SLC23A2: variants seen among roughly 807,000 people sequenced by gnomAD.
SLC23A2 encodes the protein solute carrier family 23 member 2, also known as Na(+)/L-ascorbic acid transporter 2.
SLC23A2 carries 36 observed loss-of-function variants against 73.3 expected under a neutral mutation model. That is an observed-to-expected ratio of 0.49 (90% CI 0.38 to 0.65). The LOEUF is 0.65. Ranked by LOEUF, SLC23A2 falls within the 30% of genes least tolerant of loss-of-function variation. SLC23A2 has a pLI of 0.00. For synonymous variants in SLC23A2, 343 were observed against 327.3 expected (o/e 1.05, Z -0.52); for missense variants, 507 against 841.6 (o/e 0.60, Z 4.92).
chr20:4,992,752 T>C (rs1177596106), intron 1 of SLC23A2, among the ~76,000 whole-genome samples: 1 of 151,720 alleles, frequency 6.6e-6, no homozygotes, highest in Non-Finnish European at 1.5e-5. Flanking sequence ...TCAGGTGATC[T>C]GCCCACCTCG....
intron 2 of SLC23A2, 79 bp from the exon 3 acceptor site, chr20:4,932,795 A>G (rs1243941651): frequency 1.1e-5 from 5 of 455,622 alleles, no homozygotes; most frequent in East Asian, 3.7e-5. Flanking sequence ...TTTCTTGCAC[A>G]GTAAAAAAGT....
rs1931857041 is a variant in SLC23A2, at chr20:4,904,249, C to T, written c.208-1691G>A. On this transcript the variant is annotated intron_variant, in intron 4 of 16. Transcript: ENST00000338244. ...GTCAGCCATACCTATACGACAGATCCCCAATTAAAAACCCTGGACACCAAG... is the reference window on the plus strand; with the variant it reads ...GTCAGCCATACCTATACGACAGATCTCCAATTAAAAACCCTGGACACCAAG... Among the ~76,000 whole-genome samples the T allele has an allele frequency of 3.9e-5, 6 of 152,254 alleles. 1 individual carries two copies. The South Asian group carries it at 1.2e-3, about 32-fold the overall frequency.
At chr20:4,934,804 A>C (rs1160428162) in intron 2 of SLC23A2, among the ~76,000 whole-genome samples, 1 of 151,906 alleles carries the variant, frequency 6.6e-6, no homozygotes, top group East Asian at 1.9e-4. Flanking sequence ...CGGACGTTGC[A>C]GTGAGCCAAG....
chr20:4,973,369 GA>G (rs2087594504), intron 1 of SLC23A2, among the ~76,000 whole-genome samples: 1 of 152,188 alleles, frequency 6.6e-6, no homozygotes, highest in Admixed American at 6.5e-5. Context: ...CAAATCATTG[GA>G]AAATTCTGAA....
At chr20:4,999,326 C>T (rs555481250) in intron 1 of SLC23A2, among the ~76,000 whole-genome samples, 11 of 152,052 alleles carry the variant, frequency 7.2e-5, no homozygotes, top group Non-Finnish European at 1.5e-4. Flanking sequence ...TTCAACAGAA[C>T]CTGGTCACCA....
intron 1 of SLC23A2, among the ~76,000 whole-genome samples, chr20:4,993,877 C>A (rs2087972526): frequency 6.6e-6 from 1 of 152,012 alleles, no homozygotes; most frequent in Non-Finnish European, 1.5e-5. Context: ...CCATCCTGAC[C>A]AACACAGGAG....
intron 2 of SLC23A2, among the ~76,000 whole-genome samples, chr20:4,949,782 T>C (rs546660850): frequency 1.3e-5 from 2 of 152,006 alleles, no homozygotes; most frequent in South Asian, 2.1e-4. Context: ...CACAAACAGA[T>C]AGTAATCAAT....
intron 6 of SLC23A2, among the ~76,000 whole-genome samples, chr20:4,886,740 T>A (rs996491399): frequency 6.6e-6 from 1 of 152,230 alleles, no homozygotes. Flanking sequence ...ACTTAATCAC[T>A]ATTTTTAATA....
chr20:4,897,452 A>G (rs1931580494), intron 6 of SLC23A2, among the ~76,000 whole-genome samples: 3 of 152,292 alleles, frequency 2.0e-5, no homozygotes, highest in Admixed American at 6.5e-5. Flanking sequence ...ACACAGCAAG[A>G]AAGGCTGCTT....
intron 1 of SLC23A2, among the ~76,000 whole-genome samples, chr20:4,979,968 T>C (rs2087701120): frequency 6.8e-6 from 1 of 147,750 alleles, no homozygotes; most frequent in Admixed American, 7.0e-5. Flanking sequence ...GATACAAGAC[T>C]GGAAAAACTG....
At chr20:4,959,567 G>A (rs750667379) in intron 2 of SLC23A2, among the ~76,000 whole-genome samples, 36 of 151,948 alleles carry the variant, frequency 2.4e-4, no homozygotes, top group South Asian at 1.7e-3. Context: ...GTACAATCAC[G>A]GCTCACTGCA....
intron 16 of SLC23A2, 25 bp downstream of exon 16, chr20:4,859,264 A>AAAATT: frequency 1.5e-6 from 2 of 1,345,088 alleles, no homozygotes; most frequent in Non-Finnish European, 2.1e-6. Flanking sequence ...AAAAAAAAAA[A>AAAATT]GTGTGTTTGA....
rs56709040 is a variant in SLC23A2, at chr20:4,959,055, C to CAA, written c.-155+11736_-155+11737dup. 2.7e-3 allele frequency among the ~76,000 whole-genome samples: 339 copies of CAA among 127,608 alleles called. 2 individuals are homozygous for CAA. Among genetic ancestry groups the CAA allele is most frequent in the African/African-American group, 8.7e-3 (307 of 35,394 alleles). 83.7% of individuals were successfully genotyped at this position (127,608 alleles called of 152,430 possible). Reference sequence around the variant, plus strand: ...GAGAAACCCGTCTCTACTAAAAATACAAAAAAAAAAAAAATTAGCTGGGCA... The same window carrying CAA: ...GAGAAACCCGTCTCTACTAAAAATACAAAAAAAAAAAAAAAATTAGCTGGGCA... On this transcript the variant is annotated intron_variant, in intron 2 of 16. Transcript: ENST00000338244.
intron 3 of SLC23A2, among the ~76,000 whole-genome samples, chr20:4,921,169 C>T (rs1314522452): frequency 1.3e-5 from 2 of 152,180 alleles, no homozygotes; most frequent in Non-Finnish European, 2.9e-5. Flanking sequence ...GTCACAATTA[C>T]AAGTTCTGTT....
intron 4 of SLC23A2, among the ~76,000 whole-genome samples, chr20:4,911,856 T>A (rs528196272): frequency 3.3e-5 from 5 of 152,082 alleles, no homozygotes; most frequent in Admixed American, 2.0e-4. Context: ...TTATTTATTT[T>A]TTTTAGAGAC....
At chr20:4,894,038 A>T (rs1181797792) in intron 6 of SLC23A2, among the ~76,000 whole-genome samples, 4 of 151,800 alleles carry the variant, frequency 2.6e-5, no homozygotes, top group African/African-American at 9.7e-5. Flanking sequence ...TGGCTAGGGG[A>T]CTCTCAAAAC....
chr20:4,952,004 G>A (rs2087209599), intron 2 of SLC23A2, among the ~76,000 whole-genome samples: 1 of 150,000 alleles, frequency 6.7e-6, no homozygotes, highest in Admixed American at 6.7e-5. Context: ...TTGTGAGGCT[G>A]AGGGCAGGAG....
At chr20:4,983,513 G>A (rs1263672491) in intron 1 of SLC23A2, among the ~76,000 whole-genome samples, 1 of 151,820 alleles carries the variant, frequency 6.6e-6, no homozygotes, top group Non-Finnish European at 1.5e-5. Flanking sequence ...GGGCGTTGTG[G>A]CAGGTGCCTG....
In SLC23A2 at chr20:4,970,776, T is replaced by C. The variant is rs1417056837; in HGVS notation, c.-155+17A>G. 1.3e-5 allele frequency: 2 copies of C among 152,180 alleles called. No individual in the cohort carries two copies. Among genetic ancestry groups the C allele is most frequent in the African/African-American group, 4.8e-5 (2 of 41,444 alleles). 9.4% of individuals were successfully genotyped at this position (152,180 alleles called of 1,614,324 possible). A position where few individuals can be genotyped will look rare whatever the true frequency, so the allele number is the denominator to read the frequency against. The stretch of plus-strand genomic sequence containing the variant: ...AAGGAAAAGGAAACACAACTGGAGA[T>C]TGTGTTTTACACGCACCTAAGTGAT... On this transcript the variant is annotated intron_variant, in intron 2 of 16. Transcript: ENST00000338244.
Sources: allele counts gnomAD v4.1 joint callset (sites outside exome capture counted in the v4.1 genomes callset), GRCh38; gene constraint gnomAD v4.1.1; transcripts MANE v1.5; gene names NCBI Gene and HGNC (gene_info 2026-07-23, HGNC 2026-07-21).